The following KCTD16 variants were observed in gnomAD, a reference collection of about 807,000 sequenced individuals.
The protein encoded by KCTD16 is potassium channel tetramerization domain containing 16, also known as BTB/POZ domain-containing protein KCTD16.
A neutral mutation model predicts 33.2 loss-of-function variants in KCTD16; 13 were observed. The observed-to-expected ratio is 0.39, with a 90% CI of 0.25 to 0.62. The LOEUF is 0.62. Among genes scored for constraint, KCTD16 ranks in the 20% least tolerant of loss-of-function variants. The pLI is 0.50. For synonymous variants in KCTD16, 197 were observed against 195.3 expected (o/e 1.01, Z -0.07); for missense variants, 441 against 525.1 (o/e 0.84, Z 1.57).
chr5:144,384,634 T>C (rs1752285082), intron 3 of KCTD16, among the ~76,000 whole-genome samples: 1 of 152,220 alleles, frequency 6.6e-6, no homozygotes, highest in Admixed American at 6.5e-5. Context: ...TAATTTAACC[T>C]CTTTCTGATG....
At chr5:144,400,502 G>A (rs1057117111) in intron 3 of KCTD16, among the ~76,000 whole-genome samples, 1 of 152,124 alleles carries the variant, frequency 6.6e-6, no homozygotes. Context: ...TGATCATAGT[G>A]TTTCAGGGAA....
rs184418307 is a variant in KCTD16, at chr5:144,249,996, C to T, written c.832+42450C>T. On this transcript the variant is annotated intron_variant, in intron 3 of 3. Coordinates refer to ENST00000512467, the MANE Select transcript of KCTD16 (RefSeq NM_020768.4). The stretch of plus-strand genomic sequence containing the variant: ...CTCAAGTCTTTGCCCACTTTTAGAG[C>T]CAAATCAGATTTATTAATATCTTCT... 2.6e-3 allele frequency among the ~76,000 whole-genome samples: 403 copies of T among 152,236 alleles called. 4 individuals are homozygous for T. The highest frequency in any genetic ancestry group is 9.4e-3 in the African/African-American group (390 of 41,532).
In KCTD16 at chr5:144,373,354, C is replaced by CTAAGTTAATTAAAT. The variant is rs1230691222; in HGVS notation, c.833-100302_833-100289dup. On this transcript the variant is annotated intron_variant, in intron 3 of 3. Transcript: ENST00000512467. The stretch of plus-strand genomic sequence containing the variant: ...GACATGGGTGTCAAGTACAGTGATC[C>CTAAGTTAATTAAAT]TAAGTTAATTAAATTAACTCTCTGT... Among the ~76,000 whole-genome samples, 8 of 152,226 alleles carry CTAAGTTAATTAAAT rather than the reference C, an allele frequency of 5.3e-5. No homozygotes were observed. In the East Asian group the frequency reaches 1.3e-3, roughly 26 times the overall value.
chr5:144,199,707 A>ATTTTTTTTTTTT (rs574670606), intron 2 of KCTD16, among the ~76,000 whole-genome samples: 2 of 67,722 alleles, frequency 3.0e-5, no homozygotes, highest in African/African-American at 1.2e-4. Flanking sequence ...GAACAGCTTC[A>ATTTTTTTTTTTT]TTTTTTTTTT....
intron 3 of KCTD16, among the ~76,000 whole-genome samples, chr5:144,312,806 G>C (rs1175414782): frequency 6.6e-6 from 1 of 152,182 alleles, no homozygotes; most frequent in Non-Finnish European, 1.5e-5. Flanking sequence ...CATGGTATTT[G>C]GAATGGTGTT....
intron 3 of KCTD16, among the ~76,000 whole-genome samples, chr5:144,405,375 T>C (rs1473634514): frequency 2.6e-5 from 4 of 152,164 alleles, no homozygotes; most frequent in African/African-American, 9.7e-5. Context: ...GTTGTGAGCT[T>C]TAAAGACTTT....
At position 144,427,261 on chromosome 5, in the gene KCTD16, G is replaced by C. The variant is rs75377203; in HGVS notation, c.833-46399G>C. Among the ~76,000 whole-genome samples the C allele has an allele frequency of 5.2e-3, 788 of 152,006 alleles. 6 individuals carry two copies. The highest frequency in any genetic ancestry group is 0.018 in the African/African-American group (757 of 41,466). On this transcript the variant is annotated intron_variant, in intron 3 of 3. Coordinates refer to ENST00000512467, the MANE Select transcript of KCTD16 (RefSeq NM_020768.4). The stretch of plus-strand genomic sequence containing the variant: ...CTGGTTTGAATTAAGCGGGGGGAGG[G>C]GGGTGAGTATCTTGATCTTCTACTC...
intron 3 of KCTD16, among the ~76,000 whole-genome samples, chr5:144,217,190 T>C (rs747935437): frequency 1.3e-5 from 2 of 152,222 alleles, no homozygotes; most frequent in Non-Finnish European, 2.9e-5. Flanking sequence ...CAGGCATCAG[T>C]GCTAATTTTC....
At chr5:144,358,058 G>A (rs1408848904) in intron 3 of KCTD16, among the ~76,000 whole-genome samples, 3 of 151,430 alleles carry the variant, frequency 2.0e-5, no homozygotes, top group Non-Finnish European at 2.9e-5. Context: ...AGAGTAGCTG[G>A]GACTACAGGC....
chr5:144,303,360 T>C (rs746180448), intron 3 of KCTD16, among the ~76,000 whole-genome samples: 18 of 152,258 alleles, frequency 1.2e-4, no homozygotes, highest in Non-Finnish European at 2.4e-4. Flanking sequence ...CTTTATAGGC[T>C]TGTGAGATCT....
intron 3 of KCTD16, among the ~76,000 whole-genome samples, chr5:144,428,641 C>A (rs1289951718): frequency 6.6e-6 from 1 of 152,150 alleles, no homozygotes; most frequent in Admixed American, 6.5e-5. Context: ...GAATAATAAG[C>A]AATATTGTTT....
intron 3 of KCTD16, among the ~76,000 whole-genome samples, chr5:144,434,656 A>T (rs1580962023): frequency 6.6e-6 from 1 of 152,178 alleles, no homozygotes; most frequent in African/African-American, 2.4e-5. Flanking sequence ...ATGTTTTAAA[A>T]CAATCATCCA....
intron 3 of KCTD16, among the ~76,000 whole-genome samples, chr5:144,306,698 G>A (rs1201648325): frequency 6.6e-6 from 1 of 152,202 alleles, no homozygotes; most frequent in South Asian, 2.1e-4. Context: ...GGATCACCTG[G>A]TGGTGTAGAG....
In KCTD16 at chr5:144,478,546, A is replaced by C. The variant is rs1364824250; in HGVS notation, c.*4432A>C. ...AAAATCATGTGTAGCACTTGTAAAA[A>C]TGCAGATTCCTTCAACCTAACTTCA... On this transcript the variant is annotated 3_prime_UTR_variant, in exon 4 of 4. Coordinates refer to ENST00000512467, the MANE Select transcript of KCTD16 (RefSeq NM_020768.4). 6.6e-6 allele frequency: 1 copy of C among 152,066 alleles called. No homozygotes were observed. The highest frequency in any genetic ancestry group is 1.5e-5 in the Non-Finnish European group (1 of 67,950). The allele number at this position is 152,066 out of a possible 1,614,324, so 9.4% of individuals were successfully genotyped here.
chr5:144,427,828 G>C (rs1419973751), intron 3 of KCTD16, among the ~76,000 whole-genome samples: 1 of 152,088 alleles, frequency 6.6e-6, no homozygotes, highest in African/African-American at 2.4e-5. Flanking sequence ...TCTGGCTTCA[G>C]ATTAGGATAT....
intron 3 of KCTD16, among the ~76,000 whole-genome samples, chr5:144,341,737 T>C (rs1238386057): frequency 6.6e-6 from 1 of 152,180 alleles, no homozygotes; most frequent in Non-Finnish European, 1.5e-5. Context: ...TAGCAGGACA[T>C]AGAGTTTGGA....
rs140730263 is a variant in KCTD16 at position 144,422,148 on chromosome 5, C to A, written c.833-51512C>A. On this transcript the variant is annotated intron_variant, in intron 3 of 3. Transcript: ENST00000512467. ...GTAAAACTAGAAACAAATTGTCTGG[C>A]TAAACTCTGGGCTGCTTAGTATGTA... Among the ~76,000 whole-genome samples, 81 of 152,238 alleles carry A rather than the reference C, an allele frequency of 5.3e-4. 1 individual carries two copies. In the East Asian group the frequency reaches 0.015, roughly 28 times the overall value.
chr5:144,186,376 A>C (rs941777552), intron 2 of KCTD16, among the ~76,000 whole-genome samples: 23 of 151,524 alleles, frequency 1.5e-4, no homozygotes, highest in East Asian at 1.9e-4. Flanking sequence ...AAAAAAAAAA[A>C]ACTAATGGCT....
At chr5:144,472,116 T>C (rs1754490190) in intron 3 of KCTD16, among the ~76,000 whole-genome samples, 1 of 152,222 alleles carries the variant, frequency 6.6e-6, no homozygotes, top group South Asian at 2.1e-4. Flanking sequence ...GACCTATTAT[T>C]CATGAGAATA....
Sources: allele counts gnomAD v4.1 joint callset (sites outside exome capture counted in the v4.1 genomes callset), GRCh38; gene constraint gnomAD v4.1.1; transcripts MANE v1.5; gene names NCBI Gene and HGNC (gene_info 2026-07-23, HGNC 2026-07-21).